KIAA0513: variants seen among roughly 807,000 people sequenced by gnomAD.
The protein encoded by KIAA0513 is uncharacterized protein KIAA0513.
In KIAA0513, 39 loss-of-function variants were observed where a neutral mutation model predicts 56.5. The observed-to-expected ratio is 0.69, with a 90% CI of 0.53 to 0.90. KIAA0513 has a LOEUF of 0.90. Ranked by LOEUF, KIAA0513 falls within the 40% of genes least tolerant of loss-of-function variation. The pLI is 0.00. For missense variants in KIAA0513, 591 were observed against 535.2 expected (o/e 1.10, Z -1.03); for synonymous variants, 268 against 215.6 (o/e 1.24, Z -2.13).
chr16:85,067,472 G>T, intron 2 of KIAA0513, 72 bp downstream of exon 2: 2 of 1,254,088 alleles, frequency 1.6e-6, no homozygotes, highest in South Asian at 1.4e-5. Context: ...CCTGCTCTCG[G>T]CTCTGCCTCT....
At chr16:85,064,832 G>A (rs531760557) in intron 1 of KIAA0513, among the ~76,000 whole-genome samples, 85 of 152,114 alleles carry the variant, frequency 5.6e-4, no homozygotes, top group Non-Finnish European at 1.0e-3. Flanking sequence ...TTACAGGCAA[G>A]CCCCACCATG....
intron 8 of KIAA0513, among the ~76,000 whole-genome samples, chr16:85,080,626 C>G (rs1374699351): frequency 6.6e-6 from 1 of 152,072 alleles, no homozygotes; most frequent in African/African-American, 2.4e-5. Context: ...AAACCCCCAT[C>G]TCTACTAAAA....
chr16:85,077,654 C>T (rs982835289), intron 6 of KIAA0513, 22 bp downstream of exon 6: 2 of 1,566,818 alleles, frequency 1.3e-6, no homozygotes, highest in Non-Finnish European at 1.7e-6. Context: ...CTTGGGGTCC[C>T]TCCCACCTGC....
intron 10 of KIAA0513, among the ~76,000 whole-genome samples, chr16:85,085,173 G>C (rs886344176): frequency 6.6e-6 from 1 of 152,188 alleles, no homozygotes; most frequent in South Asian, 2.1e-4. Context: ...TGGCTGTTTC[G>C]GGGAAAGACA....
At position 85,078,398 on chromosome 16, in the gene KIAA0513, T is replaced by A; in HGVS notation, c.783-17T>A. The A allele has an allele frequency of 6.2e-7, 1 of 1,613,972 alleles. No individual in the cohort carries two copies. Among genetic ancestry groups the A allele is most frequent in the Non-Finnish European group, 8.5e-7 (1 of 1,179,940 alleles). ...GTGTGAGTCGCGTGTGTCATCATTG[T>A]GCCTTCTCTCCCTCAGGGAAGACGA... On this transcript the variant is annotated splice_polypyrimidine_tract_variant and intron_variant, in intron 6 of 12. Transcript: ENST00000683363.
At chr16:85,082,290 A>G (rs1230346050) in intron 9 of KIAA0513, among the ~76,000 whole-genome samples, 1 of 152,018 alleles carries the variant, frequency 6.6e-6, no homozygotes, top group Non-Finnish European at 1.5e-5. Context: ...TGGAGAGGGA[A>G]AGACGCTGAG....
chr16:85,079,207 T>G, intron 8 of KIAA0513: 1 of 1,096,592 alleles, frequency 9.1e-7, no homozygotes. Flanking sequence ...CTAGGAGCAA[T>G]GTAAATGAGC....
intron 7 of KIAA0513, 38 bp downstream of exon 7, chr16:85,078,493 C>T: frequency 6.3e-7 from 1 of 1,595,732 alleles, no homozygotes; most frequent in Non-Finnish European, 8.6e-7. Context: ...ACGCCCAGCC[C>T]ACAGCCCCTC....
chr16:85,047,614 C>T (rs1302110410), intron 1 of KIAA0513, among the ~76,000 whole-genome samples: 3 of 152,186 alleles, frequency 2.0e-5, no homozygotes, highest in African/African-American at 7.2e-5. Flanking sequence ...CTGGCACTGT[C>T]ACTGTTGCCA....
At position 85,072,017 on chromosome 16, in the gene KIAA0513, G is replaced by C. The variant is rs918629654; in HGVS notation, c.429+135G>C. 8.4e-5 allele frequency: 54 copies of C among 642,572 alleles called. No individual in the cohort carries two copies. The Middle Eastern group carries it at 1.5e-3, about 18-fold the overall frequency. 39.8% of individuals were successfully genotyped at this position (642,572 alleles called of 1,614,324 possible). The stretch of plus-strand genomic sequence containing the variant: ...GGGAAAGGACCCAACAGTAAAAAAA[G>C]TAAAACTTATCCAAAAATACTCTGA... On this transcript the variant is annotated intron_variant, in intron 3 of 12. Transcript: ENST00000683363.
At chr16:85,035,718 C>T (rs1430401783) in intron 1 of KIAA0513, among the ~76,000 whole-genome samples, 1 of 152,056 alleles carries the variant, frequency 6.6e-6, no homozygotes, top group East Asian at 1.9e-4. Flanking sequence ...GTGGCTCACG[C>T]CTGTAATGCC....
intron 1 of KIAA0513, among the ~76,000 whole-genome samples, chr16:85,033,465 T>A (rs1597585381): frequency 6.6e-6 from 1 of 152,182 alleles, no homozygotes; most frequent in African/African-American, 2.4e-5. Context: ...GTGAAATAAA[T>A]GGCGCGGGTG....
At chr16:85,044,861 G>A (rs985176990) in intron 1 of KIAA0513, among the ~76,000 whole-genome samples, 2 of 151,544 alleles carry the variant, frequency 1.3e-5, no homozygotes, top group African/African-American at 4.8e-5. Context: ...GCTCACACCT[G>A]TAATCCCAGC....
chr16:85,034,829 G>A (rs537346666), intron 1 of KIAA0513, among the ~76,000 whole-genome samples: 1 of 152,274 alleles, frequency 6.6e-6, no homozygotes, highest in South Asian at 2.1e-4. Flanking sequence ...GAGTAACATG[G>A]CTCCATCACA....
At chr16:85,050,263 A>G (rs2073231618) in intron 1 of KIAA0513, among the ~76,000 whole-genome samples, 2 of 152,164 alleles carry the variant, frequency 1.3e-5, no homozygotes, top group Non-Finnish European at 2.9e-5. Flanking sequence ...GTTGGGACTT[A>G]GGAGAACTTC....
At chr16:85,055,218 C>G (rs79676339) in intron 1 of KIAA0513, among the ~76,000 whole-genome samples, 1 of 152,126 alleles carries the variant, frequency 6.6e-6, no homozygotes, top group African/African-American at 2.4e-5. Flanking sequence ...GCCACCGCCC[C>G]CAGCCTCTTT....
At position 85,088,476 on chromosome 16, in the gene KIAA0513, C is replaced by T. The variant is rs1023111282; in HGVS notation, c.*151C>T. On this transcript the variant is annotated 3_prime_UTR_variant, in exon 13 of 13. Transcript: ENST00000683363. ...CCTAGAACTAGCGGTTAGAAGAATCCGCTGTTCCTCCCTCATCTCCTCTGC... is the reference window on the plus strand; with the variant it reads ...CCTAGAACTAGCGGTTAGAAGAATCTGCTGTTCCTCCCTCATCTCCTCTGC... The T allele has an allele frequency of 1.1e-5, 7 of 639,534 alleles. No homozygotes were observed. The highest frequency in any genetic ancestry group is 5.4e-5 in the African/African-American group (3 of 55,070). 39.6% of individuals were successfully genotyped at this position (639,534 alleles called of 1,614,324 possible).
intron 1 of KIAA0513, among the ~76,000 whole-genome samples, chr16:85,047,880 A>G (rs1339806755): frequency 6.6e-6 from 1 of 152,176 alleles, no homozygotes; most frequent in African/African-American, 2.4e-5. Flanking sequence ...TCTGGTCTTC[A>G]ACCCCCTTCT....
chr16:85,041,707 C>T (rs957903175), intron 1 of KIAA0513, among the ~76,000 whole-genome samples: 2 of 152,086 alleles, frequency 1.3e-5, no homozygotes, highest in Admixed American at 6.6e-5. Flanking sequence ...ATGAAATTCC[C>T]GGACTTGGCA....
Sources: allele counts gnomAD v4.1 joint callset (sites outside exome capture counted in the v4.1 genomes callset), GRCh38; gene constraint gnomAD v4.1.1; transcripts MANE v1.5; gene names NCBI Gene and HGNC (gene_info 2026-07-23, HGNC 2026-07-21).